CNN2: variants seen among roughly 807,000 people sequenced by gnomAD.
The protein encoded by CNN2 is calponin 2, also known as calponin-2.
In CNN2, 21 loss-of-function variants were observed where a neutral mutation model predicts 31.0. The observed-to-expected ratio is 0.68, with a 90% CI of 0.48 to 0.98. CNN2 has a LOEUF of 0.98. Ranked by LOEUF, CNN2 falls within the 50% of genes least tolerant of loss-of-function variation. CNN2 has a pLI of 0.00. For missense variants in CNN2, 399 were observed against 427.3 expected, an observed-to-expected ratio of 0.93 and a Z score of 0.58; for synonymous variants, 165 against 179.6, an observed-to-expected ratio of 0.92 and a Z score of 0.65.
rs1398783091 is a variant in CNN2 at position 1,026,621 on chromosome 19, C to A, written c.-41C>A. On this transcript the variant is annotated 5_prime_UTR_variant, in exon 1 of 7. Transcript: ENST00000263097. ...CGCCAGCCCGGCGGTCCCGTCCCGT[C>A]CCGTCCTGTGCGGCCCCGTCCCGCC... 6.7e-7 allele frequency: 1 copy of A among 1,499,292 alleles called. No individual in the cohort carries two copies. Among genetic ancestry groups the A allele is most frequent in the Non-Finnish European group, 8.9e-7 (1 of 1,118,086 alleles). 92.9% of individuals were successfully genotyped at this position (1,499,292 alleles called of 1,614,324 possible).
chr19:1,033,725 ACG>A (rs2039540174), intron 4 of CNN2, among the ~76,000 whole-genome samples: 1 of 39,874 alleles, frequency 2.5e-5, no homozygotes, highest in South Asian at 1.2e-3. Context: ...TGGGTGGGAC[ACG>A]GTGTCTGGTG....
chr19:1,033,643 C>T (rs1015859472), intron 4 of CNN2, among the ~76,000 whole-genome samples: 9 of 147,994 alleles, frequency 6.1e-5, no homozygotes, highest in African/African-American at 2.3e-4. Flanking sequence ...AGACCGGGAG[C>T]GTGGGTGGGA....
Position 1,030,862 on chromosome 19 carries a change from C to A in CNN2, c.64-209C>A. Reference sequence around the variant, plus strand: ...GCCGGTTGTCGGCCTGCTTGGAGGGCGGTTTATCTGTGCCCGCCTGCAGTG... The same window carrying A: ...GCCGGTTGTCGGCCTGCTTGGAGGGAGGTTTATCTGTGCCCGCCTGCAGTG... On this transcript the variant is annotated intron_variant, in intron 1 of 6. Coordinates refer to ENST00000263097, the MANE Select transcript of CNN2 (RefSeq NM_004368.4). 3 of 525,936 alleles carry A rather than the reference C, an allele frequency of 5.7e-6. No individual in the cohort carries two copies. The South Asian group carries it at 6.8e-5, about 12-fold the overall frequency. 32.6% of individuals were successfully genotyped at this position (525,936 alleles called of 1,614,324 possible).
intron 4 of CNN2, 196 bp from the exon 5 acceptor site, chr19:1,035,934 A>G: frequency 5.1e-6 from 4 of 779,156 alleles, no homozygotes; most frequent in Non-Finnish European, 7.3e-6. Flanking sequence ...AAATAAAAAT[A>G]AAAAACTGAA....
chr19:1,036,700 C>T (rs778284807), intron 6 of CNN2, 138 bp downstream of exon 6: 67 of 1,019,448 alleles, frequency 6.6e-5, no homozygotes, highest in Non-Finnish European at 8.8e-5. Flanking sequence ...TCCGGCTTCC[C>T]TCCCCGCTCT....
chr19:1,027,536 G>A (rs921577938), intron 1 of CNN2, among the ~76,000 whole-genome samples: 2 of 152,214 alleles, frequency 1.3e-5, no homozygotes, highest in African/African-American at 4.8e-5. Flanking sequence ...CCAGGGCTAG[G>A]GGAGACACTT....
intron 1 of CNN2, chr19:1,030,868 A>G: frequency 1.8e-6 from 1 of 569,756 alleles, no homozygotes; most frequent in South Asian, 2.2e-5. Flanking sequence ...AGGGCGGTTT[A>G]TCTGTGCCCG....
chr19:1,036,652 C>A, intron 6 of CNN2, 90 bp downstream of exon 6: 1 of 1,504,880 alleles, frequency 6.6e-7, no homozygotes, highest in Non-Finnish European at 9.2e-7. Flanking sequence ...TCCAGCTTCT[C>A]TCCCCACTCT....
intron 1 of CNN2, among the ~76,000 whole-genome samples, chr19:1,027,513 A>T (rs2039418363): frequency 6.6e-6 from 1 of 152,216 alleles, no homozygotes; most frequent in Non-Finnish European, 1.5e-5. Context: ...CCATCTCTAT[A>T]ATTAAAAACA....
intron 2 of CNN2, 122 bp downstream of exon 2, chr19:1,031,314 A>T: frequency 4.6e-6 from 1 of 216,604 alleles, no homozygotes; most frequent in Admixed American, 1.4e-4. Context: ...CTGTAATCCC[A>T]GCACTTTTGG....
intron 1 of CNN2, among the ~76,000 whole-genome samples, chr19:1,028,910 G>A (rs1408831101): frequency 6.6e-6 from 1 of 152,194 alleles, no homozygotes; most frequent in African/African-American, 2.4e-5. Flanking sequence ...AGCTGGTACT[G>A]GGGGGCCTCC....
In CNN2 at chr19:1,037,996, A is replaced by G; in HGVS notation, c.*96A>G. The G allele has an allele frequency of 8.1e-7, 1 of 1,231,584 alleles. No homozygotes were observed. Among genetic ancestry groups the G allele is most frequent in the Non-Finnish European group, 1.1e-6 (1 of 897,266 alleles). 76.3% of individuals were successfully genotyped at this position (1,231,584 alleles called of 1,614,324 possible). On this transcript the variant is annotated 3_prime_UTR_variant, in exon 7 of 7. Coordinates refer to ENST00000263097, the MANE Select transcript of CNN2 (RefSeq NM_004368.4). ...TTTTTTTTTTTTTCTTAACCCGTTC[A>G]GTGCTGCCAGTCAACCAAGGGTCTG...
chr19:1,037,360 A>G (rs2039607509), intron 6 of CNN2: 1 of 439,906 alleles, frequency 2.3e-6, no homozygotes, highest in Non-Finnish European at 4.2e-6. Context: ...CTGGTCTTGA[A>G]CTTCTGACCT....
chr19:1,031,781 A>AT (rs558183219), intron 2 of CNN2, among the ~76,000 whole-genome samples: 47 of 149,596 alleles, frequency 3.1e-4, no homozygotes, highest in African/African-American at 1.1e-3. Context: ...TGCCCGGCTA[A>AT]TTTTTTTTGT....
In CNN2 at chr19:1,031,056, C is replaced by G. The variant is rs1294171958; in HGVS notation, c.64-15C>G. On this transcript the variant is annotated splice_polypyrimidine_tract_variant and intron_variant, in intron 1 of 6. Coordinates refer to ENST00000263097, the MANE Select transcript of CNN2 (RefSeq NM_004368.4). ...CCCCCAGCCCAGCTCAGTCTCGTGCCCTTTGCTCCACCAGCTCCTGTCCAA... is the reference window on the plus strand; with the variant it reads ...CCCCCAGCCCAGCTCAGTCTCGTGCGCTTTGCTCCACCAGCTCCTGTCCAA... The G allele has an allele frequency of 6.2e-7, 1 of 1,609,758 alleles. No homozygotes were observed. Among genetic ancestry groups the G allele is most frequent in the Admixed American group, 1.7e-5 (1 of 59,908 alleles).
Position 1,037,902 on chromosome 19 carries a change from G to A in CNN2, c.*2G>A. ...TACCAGGAGGAGGCCGGCTACTGAG[G>A]CTCCCAGCACGCTCTCTCCCCACAT... On this transcript the variant is annotated 3_prime_UTR_variant, in exon 7 of 7. Coordinates refer to ENST00000263097, the MANE Select transcript of CNN2 (RefSeq NM_004368.4). 5 of 1,571,418 alleles carry A rather than the reference G, an allele frequency of 3.2e-6. No homozygotes were observed. Among genetic ancestry groups the A allele is most frequent in the Non-Finnish European group, 4.3e-6 (5 of 1,155,176 alleles).
At position 1,031,201 on chromosome 19, in the gene CNN2, A is replaced by G; in HGVS notation, c.185+9A>G. The G allele has an allele frequency of 6.3e-7, 1 of 1,596,592 alleles. No individual in the cohort carries two copies. The highest frequency in any genetic ancestry group is 8.6e-7 in the Non-Finnish European group (1 of 1,167,826). On this transcript the variant is annotated intron_variant, in intron 2 of 6. Transcript: ENST00000263097. Reference sequence around the variant, plus strand: ...GGAACTATCTTATGCACGTGAGTACACGCAGGGACACAGGCTGTCTCACAC... The same window carrying G: ...GGAACTATCTTATGCACGTGAGTACGCGCAGGGACACAGGCTGTCTCACAC...
rs1408986071 is a variant in CNN2 at position 1,026,638 on chromosome 19, C to T, written c.-24C>T. 2.6e-5 allele frequency: 39 copies of T among 1,524,878 alleles called. No homozygotes were observed. In the East Asian group the frequency reaches 6.1e-4, roughly 24 times the overall value. The allele number at this position is 1,524,878 out of a possible 1,614,324, so 94.5% of individuals were successfully genotyped here. A position where few individuals can be genotyped will look rare whatever the true frequency, so the allele number is the denominator to read the frequency against. ...CGTCCCGTCCCGTCCTGTGCGGCCCCGTCCCGCCGCCCGCCCGCCAGCCAT... is the reference window on the plus strand; with the variant it reads ...CGTCCCGTCCCGTCCTGTGCGGCCCTGTCCCGCCGCCCGCCCGCCAGCCAT... On this transcript the variant is annotated 5_prime_UTR_variant, in exon 1 of 7. Transcript: ENST00000263097.
rs759746629 is a variant in CNN2, at chr19:1,036,664, A to G, written c.654+102A>G. 2.8e-6 allele frequency: 4 copies of G among 1,440,176 alleles called. No individual in the cohort carries two copies. In the African/African-American group the frequency reaches 5.6e-5, roughly 20 times the overall value. 89.2% of individuals were successfully genotyped at this position (1,440,176 alleles called of 1,614,324 possible). A position where few individuals can be genotyped will look rare whatever the true frequency, so the allele number is the denominator to read the frequency against. ...ACCTCCAGCTTCTCTCCCCACTCTC[A>G]GTCTCAGCCCCTTCCCTAGACCACC... On this transcript the variant is annotated intron_variant, in intron 6 of 6. Coordinates refer to ENST00000263097, the MANE Select transcript of CNN2 (RefSeq NM_004368.4).
Sources: gnomAD v4.1 joint callset for allele counts (sites outside exome capture counted in the v4.1 genomes callset) on GRCh38, gnomAD v4.1.1 for gene constraint, MANE v1.5 for transcripts, NCBI Gene and HGNC (gene_info 2026-07-23, HGNC 2026-07-21) for gene names.